APCDD1: variants seen among roughly 807,000 people sequenced by gnomAD.
APCDD1 encodes the protein APC down-regulated 1.
In APCDD1, 15 loss-of-function variants were observed where a neutral mutation model predicts 38.1. The observed-to-expected ratio is 0.39, with a 90% CI of 0.26 to 0.61. APCDD1 has a LOEUF of 0.61. APCDD1 is among the 20% of genes least tolerant of loss of function. The pLI, the probability that APCDD1 is intolerant of heterozygous loss-of-function variation, is 0.49. For synonymous variants in APCDD1, 261 were observed against 279.7 expected, an observed-to-expected ratio of 0.93 and a Z score of 0.67; for missense variants, 647 against 696.2, an observed-to-expected ratio of 0.93 and a Z score of 0.79.
intron 1 of APCDD1, 27 bp from the exon 2 acceptor site, chr18:10,468,442 G>C (rs1008201130): frequency 6.2e-7 from 1 of 1,613,502 alleles, no homozygotes; most frequent in Non-Finnish European, 8.5e-7. Flanking sequence ...TTCTTCTTTT[G>C]GCTAACTTTC....
intron 1 of APCDD1, among the ~76,000 whole-genome samples, chr18:10,464,514 C>T (rs369403037): frequency 6.6e-6 from 1 of 152,232 alleles, no homozygotes; most frequent in African/African-American, 2.4e-5. Flanking sequence ...CCTTGAACTT[C>T]TGGGCTCATG....
chr18:10,466,143 C>T (rs1458699802), intron 1 of APCDD1, among the ~76,000 whole-genome samples: 2 of 152,214 alleles, frequency 1.3e-5, no homozygotes, highest in Non-Finnish European at 2.9e-5. Flanking sequence ...AAGTTAGCCA[C>T]ATCAAAATCG....
chr18:10,483,543 C>T (rs1300004375), intron 3 of APCDD1, among the ~76,000 whole-genome samples: 1 of 152,272 alleles, frequency 6.6e-6, no homozygotes, highest in Non-Finnish European at 1.5e-5. Flanking sequence ...AAGCCCACAG[C>T]TCTTCCTGCC....
At chr18:10,482,704 C>T (rs916545664) in intron 3 of APCDD1, among the ~76,000 whole-genome samples, 1 of 152,188 alleles carries the variant, frequency 6.6e-6, no homozygotes, top group African/African-American at 2.4e-5. Flanking sequence ...GTCCCCACAC[C>T]AGGACCACAG....
intron 3 of APCDD1, among the ~76,000 whole-genome samples, chr18:10,473,525 C>T (rs1433510744): frequency 6.6e-6 from 1 of 152,188 alleles, no homozygotes; most frequent in African/African-American, 2.4e-5. Context: ...GCCTCTGATG[C>T]CGGCTCCATT....
At position 10,485,649 on chromosome 18, in the gene APCDD1, C is replaced by G. The variant is rs746083484; in HGVS notation, c.962C>G (p.Thr321Ser). The part of the protein sequence containing the change: ...RHFIFHDNNN[T>S]WEGHYYHYSD... Reference sequence around the variant, plus strand: ...TTCATCTTCCATGACAACAACAACACCTGGGAGGGCCACTACTACCACTAC... The same window carrying G: ...TTCATCTTCCATGACAACAACAACAGCTGGGAGGGCCACTACTACCACTAC... The change falls in exon 4 of 5, where the codon ACC becomes AGC. Residue 321 changes from threonine (T) to serine (S), a missense_variant. Coordinates refer to ENST00000355285, the MANE Select transcript of APCDD1 (RefSeq NM_153000.5). This position sits in a 1 kb window ranked among gnomAD's most constrained non-coding sequence, Gnocchi z 5.8. 5 of 1,614,188 alleles carry G rather than the reference C, an allele frequency of 3.1e-6. No homozygotes were observed. Among genetic ancestry groups the G allele is most frequent in the Non-Finnish European group, 4.2e-6 (5 of 1,180,034 alleles).
intron 1 of APCDD1, 43 bp downstream of exon 1, chr18:10,455,082 G>A (rs1196793933): frequency 6.5e-7 from 1 of 1,545,718 alleles, no homozygotes; most frequent in Non-Finnish European, 8.7e-7. Flanking sequence ...GCCGGCGGAG[G>A]CAGCCCGGGC....
chr18:10,454,741 G>A lies in APCDD1; in HGVS notation c.-241G>A. 1 of 981,456 alleles carries A rather than the reference G, an allele frequency of 1.0e-6. No individual in the cohort carries two copies. Among genetic ancestry groups the A allele is most frequent in the East Asian group, 1.1e-4 (1 of 8,730 alleles). The allele number at this position is 981,456 out of a possible 1,614,324, so 60.8% of individuals were successfully genotyped here. On this transcript the variant is annotated 5_prime_UTR_variant, in exon 1 of 5. Coordinates refer to ENST00000355285, the MANE Select transcript of APCDD1 (RefSeq NM_153000.5). ...GCCGGGCGCGGAGAAGTCGGGGCGG[G>A]CGGCAGAGAGGCCGGGACGCGGACC...
intron 1 of APCDD1, among the ~76,000 whole-genome samples, chr18:10,462,855 T>A (rs912935725): frequency 6.6e-6 from 1 of 152,154 alleles, no homozygotes; most frequent in Non-Finnish European, 1.5e-5. Flanking sequence ...CATACAAGAC[T>A]GAACCATTGC....
rs78536172 is a variant in APCDD1, at chr18:10,471,524, G to A, written c.243-6G>A. ...AAAGGTCTCTTCTTCCCCTTTTCTT[G>A]CCCAGCTGTGAAGTAAGGTCAGGCC... is the stretch of plus-strand genomic sequence containing the variant. On this transcript the variant is annotated splice_polypyrimidine_tract_variant and splice_region_variant and intron_variant, in intron 2 of 4. Transcript: ENST00000355285. The surrounding 1 kb of genome is among the most constrained non-coding windows in gnomAD (Gnocchi z 5.5). 3,692 of 1,613,964 alleles carry A rather than the reference G, an allele frequency of 2.3e-3. 31 individuals carry two copies. Among genetic ancestry groups the A allele is most frequent in the East Asian group, 0.016 (696 of 44,876 alleles).
intron 3 of APCDD1, among the ~76,000 whole-genome samples, chr18:10,473,732 A>G (rs1598397993): frequency 1.3e-5 from 2 of 152,180 alleles, no homozygotes; most frequent in South Asian, 4.2e-4. Flanking sequence ...GGTAAGAATA[A>G]TGGGCTTCGA....
At chr18:10,480,641 G>T (rs957192435) in intron 3 of APCDD1, among the ~76,000 whole-genome samples, 1 of 151,954 alleles carries the variant, frequency 6.6e-6, no homozygotes, top group African/African-American at 2.4e-5. Context: ...CAGGCAGATT[G>T]CCCTGAGCTC....
In APCDD1 at chr18:10,485,666, T is replaced by C; in HGVS notation, c.979T>C (p.Tyr327His). The change falls in exon 4 of 5, where the codon TAC becomes CAC. Residue 327 changes from tyrosine to histidine, a missense_variant. By Grantham distance (83) the Tyr-to-His change is moderately conservative. Transcript: ENST00000355285. This position sits in a 1 kb window ranked among gnomAD's most constrained non-coding sequence, Gnocchi z 5.8. ...DNNNTWEGHYYHYSDPVCKHP... is the reference protein window; with the variant it reads ...DNNNTWEGHYHHYSDPVCKHP... ...CAACAACACCTGGGAGGGCCACTACTACCACTACTCAGACCCGGTGTGCAA... is the reference window on the plus strand; with the variant it reads ...CAACAACACCTGGGAGGGCCACTACCACCACTACTCAGACCCGGTGTGCAA... The C allele has an allele frequency of 6.2e-7, 1 of 1,614,164 alleles. No individual in the cohort carries two copies. The highest frequency in any genetic ancestry group is 8.5e-7 in the Non-Finnish European group (1 of 1,180,026).
rs1441389065 is a variant in APCDD1 at position 10,471,876 on chromosome 18, G to T, written c.589G>T (p.Glu197Ter). 1 of 1,614,080 alleles carries T rather than the reference G, an allele frequency of 6.2e-7. No individual in the cohort carries two copies. Among genetic ancestry groups the T allele is most frequent in the African/African-American group, 1.3e-5 (1 of 74,944 alleles). The change falls in exon 3 of 5, where the codon GAG becomes TAG. Residue 197 changes from glutamate to a stop codon, truncating the protein, a stop_gained. Coordinates refer to ENST00000355285, the MANE Select transcript of APCDD1 (RefSeq NM_153000.5). LOFTEE classifies it high-confidence loss of function. The surrounding 1 kb of genome is among the most constrained non-coding windows in gnomAD (Gnocchi z 5.5). ...YDLWREENGC[E>*]CTKAVNFAMH... ...CCTCTGGCGAGAGGAGAACGGCTGT[G>T]AGTGCACCAAGGCCGTGAACTTTGC...
At chr18:10,462,591 CTCCTTCCTTCCTTCCTTCCTTCCT>C (rs565458903) in intron 1 of APCDD1, among the ~76,000 whole-genome samples, 1 of 23,196 alleles carries the variant, frequency 4.3e-5, no homozygotes, top group Non-Finnish European at 7.1e-5. Context: ...CCTTCCCTCC[CTCCTTCCTTCCTTCCTTCCTTCCT>C]TCCTTCCTTC....
chr18:10,458,551 G>T (rs951801769), intron 1 of APCDD1, among the ~76,000 whole-genome samples: 1 of 152,150 alleles, frequency 6.6e-6, no homozygotes, highest in Non-Finnish European at 1.5e-5. Flanking sequence ...AGGGGCAAGG[G>T]TCTCAGACAG....
chr18:10,482,574 C>T (rs1169358847), intron 3 of APCDD1, among the ~76,000 whole-genome samples: 4 of 152,306 alleles, frequency 2.6e-5, no homozygotes, highest in East Asian at 3.9e-4. Flanking sequence ...GAGCCAGGGG[C>T]CGGCTCCTGC....
At chr18:10,459,073 C>T (rs748635610) in intron 1 of APCDD1, among the ~76,000 whole-genome samples, 9 of 152,142 alleles carry the variant, frequency 5.9e-5, no homozygotes, top group East Asian at 5.8e-4. Flanking sequence ...AAGGGTTTTC[C>T]GGTTTCATTC....
At chr18:10,466,272 G>T (rs1038156563) in intron 1 of APCDD1, among the ~76,000 whole-genome samples, 2 of 152,220 alleles carry the variant, frequency 1.3e-5, no homozygotes, top group African/African-American at 4.8e-5. Flanking sequence ...GAGGCTGGCA[G>T]AGGTCCAGTA....
Sources: gnomAD v4.1 joint callset for allele counts (sites outside exome capture counted in the v4.1 genomes callset) on GRCh38, gnomAD v4.1.1 for gene constraint, Gnocchi (gnomAD v3.1) non-coding constraint, MANE v1.5 for transcripts, NCBI Gene and HGNC (gene_info 2026-07-23, HGNC 2026-07-21) for gene names.